DYNC1I1: variants seen among roughly 807,000 people sequenced by gnomAD.
DYNC1I1 encodes the protein dynein cytoplasmic 1 intermediate chain 1, also known as cytoplasmic dynein 1 intermediate chain 1.
A neutral mutation model predicts 86.6 loss-of-function variants in DYNC1I1; 43 were observed. That is an observed-to-expected ratio of 0.50 (90% CI 0.39 to 0.64). DYNC1I1 has a LOEUF of 0.64. Ranked by LOEUF, DYNC1I1 falls within the 30% of genes least tolerant of loss-of-function variation. The pLI is 0.00. For synonymous variants in DYNC1I1, 262 were observed against 283.7 expected, an observed-to-expected ratio of 0.92 and a Z score of 0.77; for missense variants, 604 against 788.8, an observed-to-expected ratio of 0.77 and a Z score of 2.81.
chr7:95,810,558 T>G, intron 3 of DYNC1I1, 52 bp downstream of exon 3: 1 of 1,475,756 alleles, frequency 6.8e-7, no homozygotes, highest in Non-Finnish European at 9.3e-7. Context: ...TTGCGTGGGA[T>G]ATACCATGTC....
At chr7:95,876,060 C>T (rs929798548) in intron 6 of DYNC1I1, among the ~76,000 whole-genome samples, 2 of 152,098 alleles carry the variant, frequency 1.3e-5, no homozygotes, top group Admixed American at 6.5e-5. Flanking sequence ...CCAGTCACCC[C>T]CAGGGAGGCT....
At chr7:96,099,352 G>A (rs548288875), downstream of DYNC1I1, among the ~76,000 whole-genome samples, 4 of 152,282 alleles carry the variant, frequency 2.6e-5, no homozygotes, top group South Asian at 2.1e-4. Context: ...CCAGGCTGAC[G>A]TTATGTGACT....
At chr7:96,000,326 C>G (rs1321001432) in intron 10 of DYNC1I1, among the ~76,000 whole-genome samples, 1 of 152,062 alleles carries the variant, frequency 6.6e-6, no homozygotes. Flanking sequence ...TTCAAAGTGC[C>G]TCAGGATGGG....
intron 6 of DYNC1I1, among the ~76,000 whole-genome samples, chr7:95,911,759 G>A (rs75770495): frequency 2.1e-3 from 324 of 152,258 alleles, no homozygotes; most frequent in African/African-American, 7.4e-3. Flanking sequence ...GTGTGGTGAG[G>A]TCCCAGGTCA....
chr7:96,030,112 G>T (rs935925371), intron 11 of DYNC1I1, among the ~76,000 whole-genome samples: 7 of 151,774 alleles, frequency 4.6e-5, no homozygotes, highest in African/African-American at 1.7e-4. Flanking sequence ...TGACTGATTG[G>T]TACCAGGATC....
intron 4 of DYNC1I1, 113 bp downstream of exon 4, chr7:95,813,450 T>G: frequency 1.5e-6 from 2 of 1,302,480 alleles, no homozygotes; most frequent in South Asian, 1.5e-5. Context: ...GCATGTGTAC[T>G]TGGACATCTT....
At chr7:95,800,462 G>T (rs1682676) in intron 1 of DYNC1I1, among the ~76,000 whole-genome samples, 1 of 152,266 alleles carries the variant, frequency 6.6e-6, no homozygotes. Flanking sequence ...CTGGGTGACA[G>T]TGAGTGAGGA....
chr7:96,032,412 G>A (rs186602211), intron 11 of DYNC1I1, among the ~76,000 whole-genome samples: 21 of 152,202 alleles, frequency 1.4e-4, no homozygotes, highest in East Asian at 5.8e-4. Flanking sequence ...TTGTTCTAGC[G>A]TCCTTCTGTT....
chr7:96,098,706 C>T (rs909823415), downstream of DYNC1I1, among the ~76,000 whole-genome samples: 1 of 152,122 alleles, frequency 6.6e-6, no homozygotes, highest in Non-Finnish European at 1.5e-5. Flanking sequence ...CGAACAAATA[C>T]CAAATGTCCT....
At chr7:96,036,970 AT>A (rs570128134) in intron 13 of DYNC1I1, among the ~76,000 whole-genome samples, 149 of 152,086 alleles carry the variant, frequency 9.8e-4, no homozygotes, top group African/African-American at 3.4e-3. Context: ...TATTCCATTG[AT>A]TTTTTTTCAT....
chr7:95,933,710 T>A (rs1791964342), intron 6 of DYNC1I1, among the ~76,000 whole-genome samples: 1 of 152,116 alleles, frequency 6.6e-6, no homozygotes, highest in Admixed American at 6.5e-5. Context: ...GTGACACATT[T>A]TTTTTAAAAA....
chr7:95,928,744 C>T (rs1791811129), intron 6 of DYNC1I1, among the ~76,000 whole-genome samples: 1 of 152,144 alleles, frequency 6.6e-6, no homozygotes, highest in South Asian at 2.1e-4. Flanking sequence ...CTAATACGGC[C>T]ATGGGCAGTT....
chr7:95,797,865 G>A (rs1584232698), intron 1 of DYNC1I1, among the ~76,000 whole-genome samples: 1 of 151,984 alleles, frequency 6.6e-6, no homozygotes, highest in Non-Finnish European at 1.5e-5. Flanking sequence ...TGCAGAAGCA[G>A]CTATAAGAAA....
intron 6 of DYNC1I1, among the ~76,000 whole-genome samples, chr7:95,938,176 C>A (rs1037463614): frequency 6.6e-6 from 1 of 152,180 alleles, no homozygotes; most frequent in Non-Finnish European, 1.5e-5. Flanking sequence ...CCCAGAAGGG[C>A]AAGGAGCATT....
chr7:95,932,688 C>A (rs957118033), intron 6 of DYNC1I1, among the ~76,000 whole-genome samples: 1 of 152,116 alleles, frequency 6.6e-6, no homozygotes, highest in African/African-American at 2.4e-5. Flanking sequence ...CACCAAGCCT[C>A]ACAAATGTTA....
At chr7:95,940,370 C>T (rs1792173700) in intron 6 of DYNC1I1, among the ~76,000 whole-genome samples, 1 of 152,120 alleles carries the variant, frequency 6.6e-6, no homozygotes, top group South Asian at 2.1e-4. Context: ...GGAAGTTCTC[C>T]TGGATAATAT....
chr7:95,963,994 C>T (rs1792939982), intron 6 of DYNC1I1, among the ~76,000 whole-genome samples: 1 of 152,144 alleles, frequency 6.6e-6, no homozygotes, highest in Non-Finnish European at 1.5e-5. Context: ...AATTATTACA[C>T]TGACAGACAA....
At chr7:96,030,386 T>G (rs1471284223) in intron 11 of DYNC1I1, among the ~76,000 whole-genome samples, 2 of 143,992 alleles carry the variant, frequency 1.4e-5, no homozygotes, top group Non-Finnish European at 3.0e-5. Context: ...GTAGGCATGC[T>G]CCAGTGTCTG....
At chr7:95,899,165 TACTC>T (rs778695779) in intron 6 of DYNC1I1, among the ~76,000 whole-genome samples, 1 of 152,180 alleles carries the variant, frequency 6.6e-6, no homozygotes, top group African/African-American at 2.4e-5. Context: ...AAATTGTAGA[TACTC>T]AATTGATATT....
Sources: allele counts gnomAD v4.1 joint callset (sites outside exome capture counted in the v4.1 genomes callset), GRCh38; gene constraint gnomAD v4.1.1; transcripts MANE v1.5; gene names NCBI Gene and HGNC (gene_info 2026-07-23, HGNC 2026-07-21).